Variants in NRG1 observed in about 807,000 individuals in gnomAD.
NRG1 encodes the protein pro-neuregulin-1, membrane-bound isoform.
Under a neutral mutation model 63.8 loss-of-function variants are expected in NRG1, and 18 were observed. That is an observed-to-expected ratio of 0.28 (90% CI 0.19 to 0.42). NRG1 has a LOEUF of 0.42. NRG1 is among the 10% of genes least tolerant of loss of function. The probability of loss-of-function intolerance (pLI) is 1.00; values close to 1 mark genes in which losing one functional copy is unlikely to be tolerated. For synonymous variants in NRG1, 302 were observed against 301.3 expected (o/e 1.00, Z -0.02); for missense variants, 762 against 814.7 (o/e 0.94, Z 0.79).
chr8:32,511,730 A>G (rs1441531186), intron 1 of NRG1, among the ~76,000 whole-genome samples: 4 of 152,180 alleles, frequency 2.6e-5, no homozygotes, highest in Admixed American at 2.6e-4. Context: ...GATAAAAACA[A>G]TAAGAACTCT....
chr8:32,674,582 T>G (rs1414405337), intron 5 of NRG1, among the ~76,000 whole-genome samples: 2 of 152,212 alleles, frequency 1.3e-5, no homozygotes, highest in Non-Finnish European at 2.9e-5. Flanking sequence ...GATGCTCTTT[T>G]TAGAGCAGCT....
At chr8:32,266,879 C>CAA (rs60715824) in intron 1 of NRG1, among the ~76,000 whole-genome samples, 4 of 112,830 alleles carry the variant, frequency 3.5e-5, no homozygotes, top group African/African-American at 1.3e-4. Flanking sequence ...ACTAAAAATA[C>CAA]AAAAAAAAAA....
At chr8:32,754,302 CTGTT>C in intron 7 of NRG1, 66 bp from the exon 8 acceptor site, 3 of 1,308,058 alleles carry the variant, frequency 2.3e-6, no homozygotes, top group Non-Finnish European at 3.3e-6. Flanking sequence ...AGCATGCCCA[CTGTT>C]TGGTTGTAGT....
intron 1 of NRG1, among the ~76,000 whole-genome samples, chr8:32,405,729 A>C (rs1336269406): frequency 6.6e-6 from 1 of 152,184 alleles, no homozygotes; most frequent in Non-Finnish European, 1.5e-5. Context: ...TACAATCATG[A>C]GTATTTTACC....
chr8:31,901,591 T>G (rs1832085028), intron 1 of NRG1, among the ~76,000 whole-genome samples: 1 of 152,176 alleles, frequency 6.6e-6, no homozygotes, highest in South Asian at 2.1e-4. Flanking sequence ...CTTAAAAAGT[T>G]GTACTAAATG....
At chr8:32,734,681 G>A (rs527461486) in intron 6 of NRG1, among the ~76,000 whole-genome samples, 1 of 152,248 alleles carries the variant, frequency 6.6e-6, no homozygotes, top group East Asian at 1.9e-4. Context: ...CCTACTATGT[G>A]CTTATGAGGA....
rs544574856 is a variant in NRG1, at chr8:32,122,376, A to G, written c.38-473452A>G. Among the ~76,000 whole-genome samples, 3 of 152,090 alleles carry G rather than the reference A, an allele frequency of 2.0e-5. No homozygotes were observed. In the South Asian group the frequency reaches 6.2e-4, roughly 31 times the overall value. ...AAGAGGTACTATAATAGCTATTTAG[A>G]TGGCAGAGTTAGGATTTCCTGTTTC... On this transcript the variant is annotated intron_variant, in intron 1 of 10. Transcript: ENST00000519301.
At chr8:32,366,713 A>ATATATATC (rs1358090122) in intron 1 of NRG1, among the ~76,000 whole-genome samples, 1 of 87,256 alleles carries the variant, frequency 1.1e-5, no homozygotes, top group Non-Finnish European at 2.5e-5. Flanking sequence ...ATATATATAT[A>ATATATATC]TCTCACTTTT....
At chr8:31,783,971 A>G (rs762703751) in intron 1 of NRG1, among the ~76,000 whole-genome samples, 1 of 152,164 alleles carries the variant, frequency 6.6e-6, no homozygotes, top group African/African-American at 2.4e-5. Flanking sequence ...GGATGGTACT[A>G]TAAGTTTTTT....
intron 7 of NRG1, among the ~76,000 whole-genome samples, chr8:32,743,828 C>A (rs1262747311): frequency 6.6e-6 from 1 of 151,782 alleles, no homozygotes; most frequent in Non-Finnish European, 1.5e-5. Flanking sequence ...GAAAGAATGG[C>A]AATTTTTTTC....
intron 6 of NRG1, among the ~76,000 whole-genome samples, chr8:32,731,129 A>G (rs1270097000): frequency 6.6e-6 from 1 of 152,166 alleles, no homozygotes; most frequent in Non-Finnish European, 1.5e-5. Context: ...AATTTCAGCT[A>G]TTCTTTAGCC....
rs188284686 is a variant in NRG1, at chr8:31,753,220, C to T, written c.37+113789C>T. On this transcript the variant is annotated intron_variant, in intron 1 of 10. Transcript: ENST00000519301. ...AAGCCACCTTCCAAAGTAGATTTATCATATTCTAATGAGCATTGTGAATGA... is the reference window on the plus strand; with the variant it reads ...AAGCCACCTTCCAAAGTAGATTTATTATATTCTAATGAGCATTGTGAATGA... 2.0e-5 allele frequency among the ~76,000 whole-genome samples: 3 copies of T among 151,958 alleles called. No homozygotes were observed. In the East Asian group the frequency reaches 5.8e-4, roughly 30 times the overall value.
At chr8:32,718,232 G>A (rs1819743092) in intron 5 of NRG1, among the ~76,000 whole-genome samples, 1 of 152,184 alleles carries the variant, frequency 6.6e-6, no homozygotes. Context: ...AGAGTAATGA[G>A]AAAATGTGTG....
In NRG1 at chr8:32,363,089, G is replaced by C. The variant is rs566679901; in HGVS notation, c.38-232739G>C. On this transcript the variant is annotated intron_variant, in intron 1 of 10. Transcript: ENST00000519301. The stretch of plus-strand genomic sequence containing the variant: ...AATCTTGGTCATTTGTATCCCTCTT[G>C]GTGCCTCATAAACATATGCCTCATA... Among the ~76,000 whole-genome samples, 152 of 152,212 alleles carry C rather than the reference G, an allele frequency of 1.0e-3. 1 individual carries two copies. Among genetic ancestry groups the C allele is most frequent in the African/African-American group, 3.5e-3 (145 of 41,536 alleles).
intron 1 of NRG1, among the ~76,000 whole-genome samples, chr8:32,441,960 C>T (rs894330299): frequency 6.6e-6 from 1 of 152,072 alleles, no homozygotes; most frequent in African/African-American, 2.4e-5. Flanking sequence ...ATATTTAAAG[C>T]TCCTAGGTTA....
chr8:32,332,271 C>T (rs1351741358), intron 1 of NRG1, among the ~76,000 whole-genome samples: 2 of 152,212 alleles, frequency 1.3e-5, no homozygotes, highest in African/African-American at 4.8e-5. Flanking sequence ...ACAGCAGCCT[C>T]GTGTTCTTCT....
At chr8:31,689,824 T>C (rs1054486336) in intron 1 of NRG1, among the ~76,000 whole-genome samples, 3 of 152,178 alleles carry the variant, frequency 2.0e-5, no homozygotes, top group Admixed American at 1.3e-4. Flanking sequence ...TGAATGGAAA[T>C]AAACTAGAAC....
chr8:32,682,496 C>T (rs2128919249), intron 5 of NRG1, among the ~76,000 whole-genome samples: 2 of 152,206 alleles, frequency 1.3e-5, no homozygotes, highest in South Asian at 2.1e-4. Flanking sequence ...CCACTAGTTG[C>T]ATAATACCTG....
At chr8:32,070,573 T>C (rs1026768569) in intron 1 of NRG1, among the ~76,000 whole-genome samples, 1 of 152,180 alleles carries the variant, frequency 6.6e-6, no homozygotes, top group Non-Finnish European at 1.5e-5. Flanking sequence ...TGATTTATTT[T>C]CCTTTTCATA....
Sources: allele counts gnomAD v4.1 joint callset (sites outside exome capture counted in the v4.1 genomes callset), GRCh38; gene constraint gnomAD v4.1.1; transcripts MANE v1.5; gene names NCBI Gene and HGNC (gene_info 2026-07-23, HGNC 2026-07-21).